Variants in AGBL4 observed in about 807,000 individuals in gnomAD.
AGBL4 encodes AGBL carboxypeptidase 4, also known as cytosolic carboxypeptidase 6.
AGBL4 carries 58 observed loss-of-function variants against 66.4 expected under a neutral mutation model. That is an observed-to-expected ratio of 0.87 (90% CI 0.71 to 1.09). AGBL4 has a LOEUF of 1.09. Among genes scored for constraint, AGBL4 ranks in the 50% least tolerant of loss-of-function variants. AGBL4 has a pLI of 0.00. For missense variants in AGBL4, 579 were observed against 631.0 expected (o/e 0.92, Z 0.88); for synonymous variants, 234 against 222.9 (o/e 1.05, Z -0.44).
At chr1:49,012,114 G>A (rs1239586796) in intron 5 of AGBL4, among the ~76,000 whole-genome samples, 1 of 151,996 alleles carries the variant, frequency 6.6e-6, no homozygotes, top group African/African-American at 2.4e-5. Context: ...CTGTACAATG[G>A]TGTGAAAAGC....
At chr1:49,609,050 A>ATGCTACTGTCATTTC (rs1553235454) in intron 3 of AGBL4, among the ~76,000 whole-genome samples, 1 of 152,138 alleles carries the variant, frequency 6.6e-6, no homozygotes, top group Non-Finnish European at 1.5e-5. Context: ...GCTGCCATTG[A>ATGCTACTGTCATTTC]TGCTACTGTC....
intron 4 of AGBL4, among the ~76,000 whole-genome samples, chr1:49,196,133 T>A (rs1330303703): frequency 6.6e-6 from 1 of 152,238 alleles, no homozygotes; most frequent in African/African-American, 2.4e-5. Context: ...CAATCTCAAG[T>A]ACTTCTTTAC....
intron 3 of AGBL4, among the ~76,000 whole-genome samples, chr1:49,580,983 G>C (rs1235267294): frequency 6.6e-6 from 1 of 151,982 alleles, no homozygotes; most frequent in African/African-American, 2.4e-5. Flanking sequence ...TCCCTATCCA[G>C]AATACTAATA....
At chr1:49,384,523 G>A (rs1570585062) in intron 3 of AGBL4, among the ~76,000 whole-genome samples, 1 of 152,134 alleles carries the variant, frequency 6.6e-6, no homozygotes, top group East Asian at 1.9e-4. Flanking sequence ...AACCTGGGAG[G>A]CGGAGGTTGC....
intron 2 of AGBL4, among the ~76,000 whole-genome samples, chr1:49,758,290 T>C (rs934895682): frequency 1.3e-5 from 2 of 152,290 alleles, no homozygotes; most frequent in African/African-American, 4.8e-5. Context: ...AGAGCTCTCA[T>C]GGAGAACCTC....
intron 5 of AGBL4, among the ~76,000 whole-genome samples, chr1:49,003,186 T>C (rs1661521996): frequency 6.6e-6 from 1 of 152,138 alleles, no homozygotes; most frequent in Non-Finnish European, 1.5e-5. Flanking sequence ...TCGCCTGACG[T>C]CAAGGGTTCA....
chr1:49,604,713 A>C (rs904763687), intron 3 of AGBL4, among the ~76,000 whole-genome samples: 4 of 152,110 alleles, frequency 2.6e-5, no homozygotes, highest in African/African-American at 9.7e-5. Context: ...GGAGGTACAT[A>C]GACTTCTTCC....
At position 49,477,354 on chromosome 1, in the gene AGBL4, C is replaced by T. The variant is rs148635332; in HGVS notation, c.282+219959G>A. Among the ~76,000 whole-genome samples the T allele has an allele frequency of 3.4e-3, 514 of 152,182 alleles. 6 individuals are homozygous for T. The highest frequency in any genetic ancestry group is 0.012 in the African/African-American group (498 of 41,550). ...TTGTGTCACCAGAACCCTAGATCCA[C>T]GTAGCTTAGAGTGGAGAGAAATCAG... On this transcript the variant is annotated intron_variant, in intron 3 of 13. Coordinates refer to ENST00000371839, the MANE Select transcript of AGBL4 (RefSeq NM_032785.4).
chr1:49,283,086 A>G (rs1340029067), intron 3 of AGBL4, among the ~76,000 whole-genome samples: 1 of 152,228 alleles, frequency 6.6e-6, no homozygotes, highest in Admixed American at 6.5e-5. Context: ...ACAAACAAAA[A>G]GACAGCACTA....
intron 4 of AGBL4, among the ~76,000 whole-genome samples, chr1:49,145,307 C>T (rs10788908): frequency 0.58 from 88,655 of 151,926 alleles, 26,864 homozygotes; most frequent in Middle Eastern, 0.68. Flanking sequence ...AATAAGACTG[C>T]CTGGTTTTGT....
intron 3 of AGBL4, among the ~76,000 whole-genome samples, chr1:49,279,768 T>C (rs1216698334): frequency 6.6e-6 from 1 of 152,218 alleles, no homozygotes; most frequent in African/African-American, 2.4e-5. Context: ...ATCTTGCCTT[T>C]AGCCTTTAAG....
intron 3 of AGBL4, among the ~76,000 whole-genome samples, chr1:49,598,318 G>C (rs1558087857): frequency 6.6e-6 from 1 of 152,174 alleles, no homozygotes; most frequent in East Asian, 1.9e-4. Context: ...CAGTTTTTCT[G>C]CTCTGTTTTT....
At position 49,982,066 on chromosome 1, in the gene AGBL4, T is replaced by C. The variant is rs114545725; in HGVS notation, c.34+41697A>G. Among the ~76,000 whole-genome samples the C allele has an allele frequency of 2.7e-3, 407 of 152,344 alleles. 3 individuals are homozygous for C. The highest frequency in any genetic ancestry group is 9.5e-3 in the African/African-American group (394 of 41,588). ...AGTACTGTTTTGTGTCCACTACGGG[T>C]ATTTCTTAATGTGAGAATTTTTTGA... On this transcript the variant is annotated intron_variant, in intron 1 of 13. Coordinates refer to ENST00000371839, the MANE Select transcript of AGBL4 (RefSeq NM_032785.4).
Position 49,831,572 on chromosome 1 carries a change from T to G in AGBL4, c.157+19824A>C, listed in dbSNP as rs143463523. Among the ~76,000 whole-genome samples the G allele has an allele frequency of 4.2e-3, 635 of 152,322 alleles. 2 individuals carry two copies. The highest frequency in any genetic ancestry group is 0.02 in the Middle Eastern group (6 of 294). ...AATATGCAAATAGAGACAATTAGACTTCCTCTCTTCATATTTGAATACCCT... is the reference window on the plus strand; with the variant it reads ...AATATGCAAATAGAGACAATTAGACGTCCTCTCTTCATATTTGAATACCCT... On this transcript the variant is annotated intron_variant, in intron 2 of 13. Coordinates refer to ENST00000371839, the MANE Select transcript of AGBL4 (RefSeq NM_032785.4).
At chr1:49,076,814 T>G (rs1479411692) in intron 4 of AGBL4, among the ~76,000 whole-genome samples, 1 of 152,110 alleles carries the variant, frequency 6.6e-6, no homozygotes, top group Non-Finnish European at 1.5e-5. Context: ...TCCTCATTGT[T>G]GCCATTCAGA....
chr1:49,611,842 C>A (rs1183655013), intron 3 of AGBL4, among the ~76,000 whole-genome samples: 1 of 152,090 alleles, frequency 6.6e-6, no homozygotes, highest in African/African-American at 2.4e-5. Flanking sequence ...AGAATTTGAC[C>A]TTGTTATTGT....
chr1:49,270,789 A>G (rs1644040933), intron 3 of AGBL4, among the ~76,000 whole-genome samples: 1 of 152,216 alleles, frequency 6.6e-6, no homozygotes, highest in African/African-American at 2.4e-5. Flanking sequence ...CTAATTATCA[A>G]TGGCAAAAAG....
At chr1:49,960,220 A>G (rs539677724) in intron 1 of AGBL4, among the ~76,000 whole-genome samples, 1 of 152,188 alleles carries the variant, frequency 6.6e-6, no homozygotes, top group Admixed American at 6.6e-5. Context: ...ATACACAATG[A>G]AGTACTATTC....
At chr1:49,066,429 G>A (rs1644493844) in intron 4 of AGBL4, among the ~76,000 whole-genome samples, 1 of 152,190 alleles carries the variant, frequency 6.6e-6, no homozygotes, top group Non-Finnish European at 1.5e-5. Flanking sequence ...GCACACGCCT[G>A]TAGTCCCAGC....
Sources: gnomAD v4.1 joint callset for allele counts (sites outside exome capture counted in the v4.1 genomes callset) on GRCh38, gnomAD v4.1.1 for gene constraint, MANE v1.5 for transcripts, NCBI Gene and HGNC (gene_info 2026-07-23, HGNC 2026-07-21) for gene names.